Variants in STAG1 observed in about 807,000 individuals in gnomAD.
STAG1 encodes the protein cohesin subunit SA-1.
Under a neutral mutation model 170.9 loss-of-function variants are expected in STAG1, and 26 were observed. That is an observed-to-expected ratio of 0.15 (90% CI 0.11 to 0.21). The LOEUF (loss-of-function observed/expected upper bound fraction) is 0.21. STAG1 is among the 10% of genes least tolerant of loss of function. The pLI, the probability that STAG1 is intolerant of heterozygous loss-of-function variation, is 1.00. For missense variants in STAG1, 964 were observed against 1,509.5 expected, an observed-to-expected ratio of 0.64 and a Z score of 5.99; for synonymous variants, 514 against 497.7, an observed-to-expected ratio of 1.03 and a Z score of -0.44.
chr3:136,558,612 A>G (rs895813659), intron 5 of STAG1, among the ~76,000 whole-genome samples: 1 of 152,228 alleles, frequency 6.6e-6, no homozygotes, highest in Non-Finnish European at 1.5e-5. Flanking sequence ...AACTAAAAAT[A>G]CTGGCAATAC....
chr3:136,751,508 T>C (rs2107963101), intron 1 of STAG1, among the ~76,000 whole-genome samples: 1 of 152,058 alleles, frequency 6.6e-6, no homozygotes, highest in Admixed American at 6.5e-5. Flanking sequence ...TGCTTAGGCC[T>C]GGACACGTTT....
intron 12 of STAG1, 26 bp from the exon 13 acceptor site, chr3:136,465,014 G>T: frequency 2.0e-6 from 3 of 1,518,624 alleles, no homozygotes; most frequent in South Asian, 2.4e-5. Flanking sequence ...AGTAACATCT[G>T]ATCTAAAGCA....
chr3:136,690,055 C>G (rs1043390920), intron 1 of STAG1, among the ~76,000 whole-genome samples: 1 of 53,056 alleles, frequency 1.9e-5, no homozygotes, highest in African/African-American at 1.0e-4. Context: ...AAAAAGCAAA[C>G]CAAAAAAAAA....
In STAG1 at chr3:136,714,555, C is replaced by G. The variant is rs146420799; in HGVS notation, c.-84+37640G>C. Reference sequence around the variant, plus strand: ...CATCCTGCCTAACATGATGAAACCCCGTCTCTACTAAAAATACAAAAAATT... The same window carrying G: ...CATCCTGCCTAACATGATGAAACCCGGTCTCTACTAAAAATACAAAAAATT... On this transcript the variant is annotated intron_variant, in intron 1 of 33. Coordinates refer to ENST00000383202, the MANE Select transcript of STAG1 (RefSeq NM_005862.3). Among the ~76,000 whole-genome samples the G allele has an allele frequency of 7.6e-3, 1,147 of 151,910 alleles. 19 individuals carry two copies. The highest frequency in any genetic ancestry group is 0.026 in the African/African-American group (1,094 of 41,448).
chr3:136,637,822 G>C (rs1221681159), intron 1 of STAG1, among the ~76,000 whole-genome samples: 1 of 152,084 alleles, frequency 6.6e-6, no homozygotes, highest in African/African-American at 2.4e-5. Flanking sequence ...AGTTTCATGA[G>C]GGAAGGTATT....
chr3:136,416,233 C>T (rs551212705), intron 21 of STAG1, among the ~76,000 whole-genome samples: 40 of 152,252 alleles, frequency 2.6e-4, no homozygotes, highest in Non-Finnish European at 4.7e-4. Context: ...GTCTCAAACT[C>T]CTGGCCTTGT....
chr3:136,671,509 AG>A (rs1941979738), intron 1 of STAG1, among the ~76,000 whole-genome samples: 1 of 152,250 alleles, frequency 6.6e-6, no homozygotes, highest in Non-Finnish European at 1.5e-5. Context: ...TGCCTTTGAT[AG>A]TACTAATAAA....
chr3:136,506,939 T>C (rs574741756), intron 7 of STAG1, among the ~76,000 whole-genome samples: 3 of 152,336 alleles, frequency 2.0e-5, no homozygotes, highest in South Asian at 2.1e-4. Context: ...ACAGACAAGA[T>C]AGCCTTACAG....
At chr3:136,363,987 T>C (rs2108287699) in intron 25 of STAG1, among the ~76,000 whole-genome samples, 1 of 152,306 alleles carries the variant, frequency 6.6e-6, no homozygotes, top group East Asian at 1.9e-4. Context: ...CTTGAACTCC[T>C]GACCTCAAGT....
chr3:136,449,394 C>T (rs1011518115), intron 14 of STAG1, among the ~76,000 whole-genome samples: 14 of 152,060 alleles, frequency 9.2e-5, no homozygotes, highest in African/African-American at 3.4e-4. Flanking sequence ...AACCCTGTCT[C>T]TACTAAAAAT....
intron 12 of STAG1, among the ~76,000 whole-genome samples, 154 bp downstream of exon 12, chr3:136,472,259 G>GA (rs1364246680): frequency 2.0e-5 from 3 of 152,064 alleles, no homozygotes; most frequent in Admixed American, 2.0e-4. Flanking sequence ...GAAAAAAACA[G>GA]AAAACACTTT....
chr3:136,464,848 A>C (rs1441364741), intron 13 of STAG1, 33 bp downstream of exon 13: 2 of 1,548,216 alleles, frequency 1.3e-6, no homozygotes, highest in Non-Finnish European at 1.8e-6. Context: ...AACATAGAAA[A>C]GTAGAACCGG....
chr3:136,608,023 A>G (rs1273965231), intron 3 of STAG1, among the ~76,000 whole-genome samples: 2 of 152,134 alleles, frequency 1.3e-5, no homozygotes, highest in Non-Finnish European at 1.5e-5. Context: ...TTGGGAGGCC[A>G]AGGCGGGCAG....
intron 9 of STAG1, among the ~76,000 whole-genome samples, chr3:136,477,656 T>C (rs1044290284): frequency 2.0e-5 from 3 of 152,192 alleles, no homozygotes; most frequent in African/African-American, 2.4e-5. Context: ...TTCACTGGGC[T>C]AGACAATGAC....
chr3:136,445,137 A>G (rs2088742389), intron 14 of STAG1, among the ~76,000 whole-genome samples: 1 of 151,154 alleles, frequency 6.6e-6, no homozygotes, highest in South Asian at 2.1e-4. Flanking sequence ...TCAGTACTTC[A>G]TTTCGACTGC....
intron 13 of STAG1, among the ~76,000 whole-genome samples, chr3:136,459,751 C>T (rs2089223083): frequency 6.6e-6 from 1 of 152,150 alleles, no homozygotes; most frequent in South Asian, 2.1e-4. Flanking sequence ...AGACAACACG[C>T]TCCTGAACAA....
chr3:136,364,900 C>G (rs962751585), intron 25 of STAG1, among the ~76,000 whole-genome samples: 11 of 152,040 alleles, frequency 7.2e-5, no homozygotes, highest in African/African-American at 2.7e-4. Context: ...TCAAAAGGAT[C>G]CTTTTAGTGC....
At chr3:136,444,199 G>A (rs935238233) in intron 14 of STAG1, among the ~76,000 whole-genome samples, 1 of 151,736 alleles carries the variant, frequency 6.6e-6, no homozygotes, top group African/African-American at 2.4e-5. Context: ...TCAGCCTCCC[G>A]AGTAGCTGGG....
chr3:136,376,005 T>TAATTAACAAAACAAAATAAAATA (rs1175764770), intron 23 of STAG1, among the ~76,000 whole-genome samples: 1 of 63,934 alleles, frequency 1.6e-5, no homozygotes, highest in East Asian at 6.5e-4. Context: ...AATAAATAAA[T>TAATTAACAAAACAAAATAAAATA]AAATAATTAA....
Sources: gnomAD v4.1 joint callset for allele counts (sites outside exome capture counted in the v4.1 genomes callset) on GRCh38, gnomAD v4.1.1 for gene constraint, MANE v1.5 for transcripts, NCBI Gene and HGNC (gene_info 2026-07-23, HGNC 2026-07-21) for gene names.